The following FLI1 variants were observed in gnomAD, a reference collection of about 807,000 sequenced individuals.
FLI1 encodes Friend leukemia integration 1 transcription factor.
FLI1 carries 13 observed loss-of-function variants against 53.1 expected under a neutral mutation model. The observed-to-expected ratio is 0.24, with a 90% CI of 0.16 to 0.39. The LOEUF (loss-of-function observed/expected upper bound fraction) is 0.39, where lower values mean the gene tolerates loss of function less well. Ranked by LOEUF, FLI1 falls within the 10% of genes least tolerant of loss-of-function variation. FLI1 has a pLI of 1.00. For synonymous variants in FLI1, 244 were observed against 236.7 expected, an observed-to-expected ratio of 1.03 and a Z score of -0.28; for missense variants, 424 against 600.5, an observed-to-expected ratio of 0.71 and a Z score of 3.07.
intron 1 of FLI1, among the ~76,000 whole-genome samples, chr11:128,698,711 C>CGTGTGTGTGTGTGTGT (rs10557859): frequency 2.1e-5 from 3 of 144,532 alleles, no homozygotes; most frequent in African/African-American, 7.8e-5. Flanking sequence ...TATGTGTTTG[C>CGTGTGTGTGTGTGTGT]GTGTGTGTGT....
At chr11:128,758,573 G>T (rs1042594494) in intron 2 of FLI1, among the ~76,000 whole-genome samples, 1 of 152,190 alleles carries the variant, frequency 6.6e-6, no homozygotes, top group Non-Finnish European at 1.5e-5. Flanking sequence ...TAGGAGTCAG[G>T]CCCCAAGCGC....
At chr11:128,757,068 CTTTCTTTCTTT>C (rs1940909670) in intron 1 of FLI1, among the ~76,000 whole-genome samples, 1 of 143,782 alleles carries the variant, frequency 7.0e-6, no homozygotes, top group Admixed American at 7.0e-5. Context: ...TTCTTTCTTT[CTTTCTTTCTTT>C]CTTTCTTTCT....
intron 1 of FLI1, among the ~76,000 whole-genome samples, chr11:128,721,247 T>C (rs2135735889): frequency 6.6e-6 from 1 of 152,306 alleles, no homozygotes; most frequent in Middle Eastern, 3.4e-3. Context: ...CATGGTGCCA[T>C]CCACTCAATC....
At chr11:128,719,317 A>C (rs1383539149) in intron 1 of FLI1, among the ~76,000 whole-genome samples, 1 of 150,958 alleles carries the variant, frequency 6.6e-6, no homozygotes, top group Non-Finnish European at 1.5e-5. Context: ...GTGAGGACAA[A>C]ATGGTCTGCG....
chr11:128,768,849 G>A (rs966436039), intron 3 of FLI1, among the ~76,000 whole-genome samples: 16 of 152,172 alleles, frequency 1.1e-4, no homozygotes, highest in African/African-American at 3.6e-4. Flanking sequence ...CCTCAAGGAC[G>A]GGCTGCTCAG....
At chr11:128,727,272 C>T (rs770966438) in intron 1 of FLI1, among the ~76,000 whole-genome samples, 1 of 152,164 alleles carries the variant, frequency 6.6e-6, no homozygotes, top group African/African-American at 2.4e-5. Context: ...GAGAATGAAA[C>T]GAGATAACTT....
At chr11:128,772,659 G>A in intron 3 of FLI1, 123 bp from the exon 4 acceptor site, 1 of 777,884 alleles carries the variant, frequency 1.3e-6, no homozygotes, top group Non-Finnish European at 2.2e-6. Flanking sequence ...ATGTGGAAGG[G>A]AGCTCTCCCA....
At chr11:128,713,311 T>C (rs374805599) in intron 1 of FLI1, among the ~76,000 whole-genome samples, 1 of 152,268 alleles carries the variant, frequency 6.6e-6, no homozygotes, top group African/African-American at 2.4e-5. Flanking sequence ...TTGACAGTTC[T>C]GCAGCTCATG....
At chr11:128,690,962 G>T (rs1174386203), upstream of FLI1, among the ~76,000 whole-genome samples, 1 of 152,160 alleles carries the variant, frequency 6.6e-6, no homozygotes, top group East Asian at 1.9e-4. Context: ...CAGGAAAGAG[G>T]GTGTGCACAA....
At chr11:128,784,917 A>G (rs1942039843) in intron 5 of FLI1, among the ~76,000 whole-genome samples, 2 of 152,232 alleles carry the variant, frequency 1.3e-5, no homozygotes, top group African/African-American at 2.4e-5. Flanking sequence ...CACAAAGGGC[A>G]GGTGCTGGCA....
intron 3 of FLI1, among the ~76,000 whole-genome samples, chr11:128,771,148 G>A (rs1941538949): frequency 6.6e-6 from 1 of 152,216 alleles, no homozygotes; most frequent in Non-Finnish European, 1.5e-5. Flanking sequence ...GATTTCCTTG[G>A]TAAGTAAAAA....
chr11:128,763,906 A>T (rs1406203168), intron 2 of FLI1, among the ~76,000 whole-genome samples: 4 of 152,256 alleles, frequency 2.6e-5, no homozygotes, highest in Non-Finnish European at 4.4e-5. Context: ...TTTCAAAAAC[A>T]AAAAAGTCAC....
At chr11:128,713,184 G>T (rs886863339) in intron 1 of FLI1, among the ~76,000 whole-genome samples, 1 of 152,204 alleles carries the variant, frequency 6.6e-6, no homozygotes, top group African/African-American at 2.4e-5. Flanking sequence ...GGTCTTAGGG[G>T]TGATGAAGCA....
At chr11:128,714,205 G>GAAAA (rs11301098) in intron 1 of FLI1, among the ~76,000 whole-genome samples, 4 of 97,472 alleles carry the variant, frequency 4.1e-5, no homozygotes, top group Admixed American at 1.0e-4. Flanking sequence ...TCACTGGCCA[G>GAAAA]AAAAAAAAAA....
rs1418646927 is a variant in FLI1 at position 128,809,223 on chromosome 11, G to A, written c.829+19G>A. On this transcript the variant is annotated intron_variant, in intron 8 of 8. Transcript: ENST00000527786. The stretch of plus-strand genomic sequence containing the variant: ...AACCCTGGTGAGTTTACCTTGGCCT[G>A]CAAGCCTTTTTTGCCAGAATGTTTC... The A allele has an allele frequency of 6.2e-7, 1 of 1,611,746 alleles. No individual in the cohort carries two copies. The highest frequency in any genetic ancestry group is 1.3e-5 in the African/African-American group (1 of 75,002).
chr11:128,743,272 C>T (rs1449887611), intron 1 of FLI1, among the ~76,000 whole-genome samples: 1 of 151,906 alleles, frequency 6.6e-6, no homozygotes, highest in Non-Finnish European at 1.5e-5. Context: ...GTGGTGTGTG[C>T]CTGTAGTCTC....
At chr11:128,719,997 C>T (rs958614164) in intron 1 of FLI1, among the ~76,000 whole-genome samples, 1 of 152,084 alleles carries the variant, frequency 6.6e-6, no homozygotes, top group African/African-American at 2.4e-5. Flanking sequence ...GTCACTTCAT[C>T]CTTGTATAAA....
rs1942750698 is a variant in FLI1 at position 128,805,359 on chromosome 11, T to C, written c.656-7T>C. On this transcript the variant is annotated splice_region_variant and splice_polypyrimidine_tract_variant and intron_variant, in intron 5 of 8. Transcript: ENST00000527786. ...CTAATGTACCCCTATTTGTTATTGT[T>C]CATTAGACCCTTCTTATGACTCAGT... The C allele has an allele frequency of 6.4e-7, 1 of 1,567,414 alleles. No individual in the cohort carries two copies. Among genetic ancestry groups the C allele is most frequent in the South Asian group, 1.2e-5 (1 of 86,296 alleles).
chr11:128,806,137 G>C (rs562889174), intron 6 of FLI1: 1 of 152,168 alleles, frequency 6.6e-6, no homozygotes, highest in South Asian at 2.1e-4. Flanking sequence ...AAAGAGGTTG[G>C]GGTTACAAAT....
Sources: gnomAD v4.1 joint callset for allele counts (sites outside exome capture counted in the v4.1 genomes callset) on GRCh38, gnomAD v4.1.1 for gene constraint, MANE v1.5 for transcripts, NCBI Gene and HGNC (gene_info 2026-07-23, HGNC 2026-07-21) for gene names.